PDZRN4: variants seen among roughly 807,000 people sequenced by gnomAD.
The protein encoded by PDZRN4 is PDZ domain-containing RING finger protein 4.
A neutral mutation model predicts 99.0 loss-of-function variants in PDZRN4; 70 were observed. That is an observed-to-expected ratio of 0.71 (90% CI 0.58 to 0.86). The LOEUF is 0.86. Ranked by LOEUF, PDZRN4 falls within the 40% of genes least tolerant of loss-of-function variation. The probability of loss-of-function intolerance (pLI) is 0.00; values close to 1 mark genes in which losing one functional copy is unlikely to be tolerated. For synonymous variants in PDZRN4, 551 were observed against 501.6 expected (o/e 1.10, Z -1.32); for missense variants, 1,474 against 1,331.2 (o/e 1.11, Z -1.67).
chr12:41,228,058 T>TA (rs1951006655), intron 3 of PDZRN4, among the ~76,000 whole-genome samples: 1 of 152,092 alleles, frequency 6.6e-6, no homozygotes, highest in Non-Finnish European at 1.5e-5. Flanking sequence ...AATAAAGTGT[T>TA]ACCAGAAATG....
chr12:41,402,152 G>GTGTATATA (rs1337952809), intron 3 of PDZRN4, among the ~76,000 whole-genome samples: 2 of 37,770 alleles, frequency 5.3e-5, no homozygotes, highest in African/African-American at 4.2e-4. Context: ...CACACACTGA[G>GTGTATATA]TATATATATA....
At chr12:41,402,179 A>G (rs1312287630) in intron 3 of PDZRN4, among the ~76,000 whole-genome samples, 5 of 104,514 alleles carry the variant, frequency 4.8e-5, no homozygotes, top group East Asian at 2.4e-4. Context: ...CACACTGAGT[A>G]TATATATATA....
chr12:41,398,396 CA>C (rs111428805), intron 3 of PDZRN4, among the ~76,000 whole-genome samples: 119 of 139,904 alleles, frequency 8.5e-4, no homozygotes, highest in East Asian at 3.5e-3. Context: ...AGTGATTAGA[CA>C]AAAAAAAAAG....
intron 2 of PDZRN4, among the ~76,000 whole-genome samples, chr12:41,193,602 T>C (rs1174306955): frequency 6.6e-6 from 1 of 152,196 alleles, no homozygotes; most frequent in Non-Finnish European, 1.5e-5. Context: ...CTCTTGTGAA[T>C]AGACACAACT....
intron 3 of PDZRN4, among the ~76,000 whole-genome samples, chr12:41,443,402 T>C (rs550237705): frequency 6.6e-6 from 1 of 152,144 alleles, no homozygotes; most frequent in South Asian, 2.1e-4. Flanking sequence ...CTATAAGCAA[T>C]AGGTATCGCT....
intron 3 of PDZRN4, among the ~76,000 whole-genome samples, chr12:41,413,599 A>G (rs1023493514): frequency 6.6e-6 from 1 of 152,182 alleles, no homozygotes; most frequent in Non-Finnish European, 1.5e-5. Flanking sequence ...CCTATACATT[A>G]TATGTGTTGC....
intron 3 of PDZRN4, among the ~76,000 whole-genome samples, chr12:41,333,688 C>T (rs568962754): frequency 1.3e-5 from 2 of 152,204 alleles, no homozygotes; most frequent in East Asian, 3.9e-4. Context: ...CTTGTTATGC[C>T]TAAAGCATTC....
intron 5 of PDZRN4, among the ~76,000 whole-genome samples, chr12:41,513,758 GAGATCTTTTTGCCCAACTCCTAATAA>G (rs1340475079): frequency 6.6e-6 from 1 of 151,996 alleles, no homozygotes; most frequent in Non-Finnish European, 1.5e-5. Flanking sequence ...AAGAAACATA[GAGATCTTTTTGCCCAACTCCTAATAA>G]AGATATGTTT....
chr12:41,385,291 G>T (rs1952161281), intron 3 of PDZRN4, among the ~76,000 whole-genome samples: 1 of 152,150 alleles, frequency 6.6e-6, no homozygotes, highest in Non-Finnish European at 1.5e-5. Context: ...AGGAGGCAAT[G>T]GACATGGCCT....
chr12:41,389,171 A>C (rs1952192645), intron 3 of PDZRN4, among the ~76,000 whole-genome samples: 1 of 152,210 alleles, frequency 6.6e-6, no homozygotes, highest in Non-Finnish European at 1.5e-5. Flanking sequence ...TAAAATGCTT[A>C]GATCTAAAAT....
chr12:41,472,204 T>A (rs935124938), intron 3 of PDZRN4, among the ~76,000 whole-genome samples: 2 of 152,178 alleles, frequency 1.3e-5, no homozygotes, highest in African/African-American at 4.8e-5. Flanking sequence ...GGTTTCTCCA[T>A]GTTGGTCAAG....
chr12:41,218,277 C>A (rs1431112), intron 3 of PDZRN4, among the ~76,000 whole-genome samples: 76,939 of 151,826 alleles, frequency 0.51, 20,508 homozygotes, highest in South Asian at 0.66. Flanking sequence ...TACCTTGTCC[C>A]TTGGTCAGGG....
In PDZRN4 at chr12:41,225,311, C is replaced by A. The variant is rs561718723; in HGVS notation, c.843+31123C>A. 4.6e-5 allele frequency among the ~76,000 whole-genome samples: 7 copies of A among 152,020 alleles called. No homozygotes were observed. In the South Asian group the frequency reaches 1.3e-3, roughly 27 times the overall value. Reference sequence around the variant, plus strand: ...GAATAATATCTTAATACTTTAAACTCTGGGTGGTTGCATCTGATGTAATAA... The same window carrying A: ...GAATAATATCTTAATACTTTAAACTATGGGTGGTTGCATCTGATGTAATAA... On this transcript the variant is annotated intron_variant, in intron 3 of 9. Transcript: ENST00000402685.
intron 3 of PDZRN4, among the ~76,000 whole-genome samples, chr12:41,322,632 A>C (rs574100169): frequency 1.7e-4 from 26 of 151,394 alleles, no homozygotes; most frequent in African/African-American, 6.3e-4. Context: ...CTGGGACTAC[A>C]GGTGCCCACC....
chr12:41,283,424 C>T (rs1385432953), intron 3 of PDZRN4, among the ~76,000 whole-genome samples: 1 of 152,168 alleles, frequency 6.6e-6, no homozygotes, highest in African/African-American at 2.4e-5. Context: ...CCGAATTCTA[C>T]CAGAGGTACA....
chr12:41,335,857 A>G (rs545619302), intron 3 of PDZRN4, among the ~76,000 whole-genome samples: 13 of 152,272 alleles, frequency 8.5e-5, no homozygotes, highest in Non-Finnish European at 1.5e-4. Context: ...ATTTTGTGTC[A>G]TATTTTATGC....
At chr12:41,401,101 T>C (rs1016582827) in intron 3 of PDZRN4, among the ~76,000 whole-genome samples, 1 of 152,200 alleles carries the variant, frequency 6.6e-6, no homozygotes, top group Admixed American at 6.5e-5. Flanking sequence ...AAAAATCCAC[T>C]TACAGACAAT....
chr12:41,315,945 G>A (rs1467010328), intron 3 of PDZRN4, among the ~76,000 whole-genome samples: 1 of 152,090 alleles, frequency 6.6e-6, no homozygotes, highest in African/African-American at 2.4e-5. Flanking sequence ...CCCTGTGAAT[G>A]TAATCTTTTT....
At chr12:41,355,859 G>A (rs1951923981) in intron 3 of PDZRN4, among the ~76,000 whole-genome samples, 1 of 151,968 alleles carries the variant, frequency 6.6e-6, no homozygotes, top group Non-Finnish European at 1.5e-5. Flanking sequence ...TTTGGTGCTT[G>A]ACAAATGAAC....
Sources: allele counts gnomAD v4.1 joint callset (sites outside exome capture counted in the v4.1 genomes callset), GRCh38; gene constraint gnomAD v4.1.1; transcripts MANE v1.5; gene names NCBI Gene and HGNC (gene_info 2026-07-23, HGNC 2026-07-21).